Variants in SCHIP1 observed in about 807,000 individuals in gnomAD.
SCHIP1 encodes schwannomin-interacting protein 1.
In SCHIP1, 8 loss-of-function variants were observed where a neutral mutation model predicts 29.7. The ratio of observed to expected loss-of-function variants is 0.27; its 90% CI spans 0.16 to 0.49. SCHIP1 has a LOEUF of 0.49. SCHIP1 is among the 20% of genes least tolerant of loss of function. The probability of loss-of-function intolerance (pLI) is 0.99; values close to 1 mark genes in which losing one functional copy is unlikely to be tolerated. For synonymous variants in SCHIP1, 76 were observed against 94.9 expected (o/e 0.80, Z 1.16); for missense variants, 193 against 294.6 (o/e 0.66, Z 2.52).
the SCHIP1 span, among the ~76,000 whole-genome samples, chr3:159,582,777 A>AAT: frequency 1.9e-4 from 22 of 115,010 alleles, no homozygotes; most frequent in East Asian, 4.8e-4. Context: ...ACGCAACTGA[A>AAT]ATATATATAT....
the SCHIP1 span, among the ~76,000 whole-genome samples, chr3:159,648,015 G>A: frequency 1.8e-4 from 27 of 152,216 alleles, no homozygotes; most frequent in African/African-American, 5.8e-4. Context: ...CTAAACAAAT[G>A]AGCTGAATCT....
chr3:159,817,778 A>G, the SCHIP1 span, among the ~76,000 whole-genome samples: 1 of 152,098 alleles, frequency 6.6e-6, no homozygotes, highest in South Asian at 2.1e-4. Context: ...TTGTCGCTGT[A>G]TTCTTACTGT....
the SCHIP1 span, among the ~76,000 whole-genome samples, chr3:159,457,856 T>C: frequency 1.1e-4 from 16 of 152,168 alleles, no homozygotes; most frequent in Non-Finnish European, 2.2e-4. Context: ...ATAAAAATTA[T>C]GTAAATGTGC....
the SCHIP1 span, among the ~76,000 whole-genome samples, chr3:159,684,101 G>GT: frequency 2.0e-5 from 3 of 151,954 alleles, no homozygotes; most frequent in Non-Finnish European, 2.9e-5. Context: ...ACCAACCAAT[G>GT]TGAGTCTACA....
chr3:159,316,865 A>G, the SCHIP1 span, among the ~76,000 whole-genome samples: 1 of 152,228 alleles, frequency 6.6e-6, no homozygotes, highest in Non-Finnish European at 1.5e-5. Context: ...GTTTTTAACA[A>G]AAGAAGGAGG....
At chr3:159,385,916 A>G in the SCHIP1 span, among the ~76,000 whole-genome samples, 4 of 151,828 alleles carry the variant, frequency 2.6e-5, no homozygotes, top group South Asian at 2.1e-4. Flanking sequence ...TCATTATTCA[A>G]CTCCCACTTA....
At chr3:159,408,472 G>A in the SCHIP1 span, among the ~76,000 whole-genome samples, 2 of 150,806 alleles carry the variant, frequency 1.3e-5, no homozygotes, top group African/African-American at 2.4e-5. Flanking sequence ...TTTAAAATCA[G>A]TGATGAAAAA....
the SCHIP1 span, among the ~76,000 whole-genome samples, chr3:159,350,019 G>A: frequency 2.6e-5 from 4 of 152,140 alleles, no homozygotes; most frequent in East Asian, 7.7e-4. Flanking sequence ...CTATAAAATA[G>A]TGCTTAGCTC....
the SCHIP1 span, among the ~76,000 whole-genome samples, chr3:159,729,072 C>T: frequency 0.012 from 1,848 of 151,746 alleles, 42 homozygotes; most frequent in African/African-American, 0.042. Context: ...CACTTGAACC[C>T]GGGAGGCAGA....
At chr3:159,503,302 G>A in the SCHIP1 span, among the ~76,000 whole-genome samples, 37 of 152,108 alleles carry the variant, frequency 2.4e-4, no homozygotes, top group African/African-American at 7.5e-4. Context: ...CAAGATAAAT[G>A]CGACAATATT....
At chr3:159,719,156 G>T in the SCHIP1 span, among the ~76,000 whole-genome samples, 1 of 152,120 alleles carries the variant, frequency 6.6e-6, no homozygotes, top group Non-Finnish European at 1.5e-5. Context: ...TTAATAAATG[G>T]TGCTGGGAAA....
At chr3:159,712,846 AAG>A in the SCHIP1 span, among the ~76,000 whole-genome samples, 2 of 147,778 alleles carry the variant, frequency 1.4e-5, no homozygotes, top group East Asian at 4.0e-4. Context: ...GAAAGAAAGA[AAG>A]AGAGAGAGAA....
At chr3:159,526,951 C>A in the SCHIP1 span, among the ~76,000 whole-genome samples, 6 of 152,216 alleles carry the variant, frequency 3.9e-5, no homozygotes, top group Admixed American at 2.6e-4. Flanking sequence ...AACAAAAGGT[C>A]GCTTTTCCAG....
At chr3:159,788,062 C>T in the SCHIP1 span, among the ~76,000 whole-genome samples, 23 of 152,214 alleles carry the variant, frequency 1.5e-4, no homozygotes, top group Non-Finnish European at 2.5e-4. Context: ...ACTTTTGACC[C>T]GTCTTCAATA....
At chr3:159,669,580 C>T in the SCHIP1 span, among the ~76,000 whole-genome samples, 2 of 152,184 alleles carry the variant, frequency 1.3e-5, no homozygotes, top group African/African-American at 4.8e-5. Context: ...CTTTTCTGTT[C>T]TGCTAGATTA....
chr3:159,427,734 C>A, the SCHIP1 span, among the ~76,000 whole-genome samples: 3 of 152,044 alleles, frequency 2.0e-5, no homozygotes, highest in Non-Finnish European at 2.9e-5. Flanking sequence ...CCCGCATCAC[C>A]GAGTCAATCC....
chr3:159,368,968 T>C, the SCHIP1 span, among the ~76,000 whole-genome samples: 1 of 152,236 alleles, frequency 6.6e-6, no homozygotes, highest in African/African-American at 2.4e-5. Flanking sequence ...ATTCTGCAGC[T>C]GATTAAATCC....
chr3:159,770,134 C>A, the SCHIP1 span, among the ~76,000 whole-genome samples: 1 of 152,132 alleles, frequency 6.6e-6, no homozygotes, highest in Non-Finnish European at 1.5e-5. Flanking sequence ...ATCAGTGGTT[C>A]GTTTGAACTC....
the SCHIP1 span, among the ~76,000 whole-genome samples, chr3:159,633,246 A>G: frequency 6.6e-6 from 1 of 152,254 alleles, no homozygotes. Flanking sequence ...ATCTATATAC[A>G]TATAATAAAC....
Sources: gnomAD v4.1 joint callset for allele counts (sites outside exome capture counted in the v4.1 genomes callset) on GRCh38, gnomAD v4.1.1 for gene constraint, MANE v1.5 for transcripts, NCBI Gene and HGNC (gene_info 2026-07-23, HGNC 2026-07-21) for gene names.